The following PRKCA variants were observed in gnomAD, a reference collection of about 807,000 sequenced individuals.
The protein encoded by PRKCA is protein kinase C alpha type.
Under a neutral mutation model 87.0 loss-of-function variants are expected in PRKCA, and 27 were observed. The ratio of observed to expected loss-of-function variants is 0.31; its 90% CI spans 0.23 to 0.43. The LOEUF (loss-of-function observed/expected upper bound fraction) is 0.43. Ranked by LOEUF, PRKCA falls within the 20% of genes least tolerant of loss-of-function variation. PRKCA has a pLI of 1.00. For synonymous variants in PRKCA, 329 were observed against 311.1 expected (o/e 1.06, Z -0.61); for missense variants, 518 against 852.3 (o/e 0.61, Z 4.88).
chr17:66,741,446 G>T (rs916622532), intron 11 of PRKCA, among the ~76,000 whole-genome samples: 3 of 152,182 alleles, frequency 2.0e-5, no homozygotes, highest in African/African-American at 7.2e-5. Flanking sequence ...TAAGAAGCCG[G>T]TTTCATTGGT....
At chr17:66,404,378 G>T (rs1911224507) in intron 2 of PRKCA, among the ~76,000 whole-genome samples, 1 of 152,152 alleles carries the variant, frequency 6.6e-6, no homozygotes, top group African/African-American at 2.4e-5. Context: ...TCCTTCATGG[G>T]GGCGGCGGAG....
At chr17:66,562,114 AT>A (rs1968712181) in intron 3 of PRKCA, among the ~76,000 whole-genome samples, 1 of 114,878 alleles carries the variant, frequency 8.7e-6, no homozygotes, top group Admixed American at 9.9e-5. Context: ...AATTATATAT[AT>A]AATTAAATAT....
At chr17:66,386,683 C>A (rs1910078612) in intron 2 of PRKCA, among the ~76,000 whole-genome samples, 1 of 152,186 alleles carries the variant, frequency 6.6e-6, no homozygotes, top group East Asian at 1.9e-4. Context: ...AATTGCTGGG[C>A]TGCTGGTTCA....
At chr17:66,729,623 G>A (rs1973834614) in intron 8 of PRKCA, among the ~76,000 whole-genome samples, 1 of 152,058 alleles carries the variant, frequency 6.6e-6, no homozygotes, top group African/African-American at 2.4e-5. Flanking sequence ...GCCAACAAAG[G>A]CAGAGCTCAG....
intron 2 of PRKCA, among the ~76,000 whole-genome samples, chr17:66,327,721 A>G (rs1598593602): frequency 1.3e-5 from 2 of 152,208 alleles, no homozygotes; most frequent in South Asian, 2.1e-4. Context: ...TGTAGTCATC[A>G]GATAGCTTTT....
intron 15 of PRKCA, among the ~76,000 whole-genome samples, chr17:66,788,346 T>G (rs1975450591): frequency 6.6e-6 from 1 of 152,174 alleles, no homozygotes; most frequent in South Asian, 2.1e-4. Context: ...CTAGTCGCCT[T>G]CCTTGTTATA....
At chr17:66,368,719 G>A (rs887571193) in intron 2 of PRKCA, among the ~76,000 whole-genome samples, 3 of 151,880 alleles carry the variant, frequency 2.0e-5, no homozygotes, top group Non-Finnish European at 2.9e-5. Flanking sequence ...CATGTTTCTC[G>A]TTCATAATAT....
intron 2 of PRKCA, among the ~76,000 whole-genome samples, chr17:66,321,205 G>T (rs912538649): frequency 6.6e-6 from 1 of 152,050 alleles, no homozygotes; most frequent in Non-Finnish European, 1.5e-5. Context: ...TCCTATGCTA[G>T]GTTTCTGAGT....
At chr17:66,777,733 A>G (rs992605966) in intron 14 of PRKCA, 2 of 985,260 alleles carry the variant, frequency 2.0e-6, no homozygotes, top group Non-Finnish European at 2.4e-6. Flanking sequence ...TCACATTTGC[A>G]TATGCTAACA....
intron 3 of PRKCA, among the ~76,000 whole-genome samples, chr17:66,562,075 TTA>T (rs1233994690): frequency 6.3e-5 from 8 of 126,084 alleles, no homozygotes; most frequent in Non-Finnish European, 1.1e-4. Context: ...TATAATTAAA[TTA>T]TATATATAAT....
At chr17:66,544,218 C>T (rs1470155277) in intron 3 of PRKCA, among the ~76,000 whole-genome samples, 1 of 151,920 alleles carries the variant, frequency 6.6e-6, no homozygotes, top group Non-Finnish European at 1.5e-5. Context: ...AGCGAGACCC[C>T]ATCTCAAACA....
intron 2 of PRKCA, among the ~76,000 whole-genome samples, chr17:66,444,222 T>C (rs1913919495): frequency 6.6e-6 from 1 of 152,204 alleles, no homozygotes; most frequent in African/African-American, 2.4e-5. Flanking sequence ...CTGACCTGGC[T>C]CTACAGGTTC....
At chr17:66,663,872 G>GTTT (rs34996655) in intron 5 of PRKCA, among the ~76,000 whole-genome samples, 14 of 143,654 alleles carry the variant, frequency 9.7e-5, no homozygotes, top group Admixed American at 2.1e-4. Context: ...TGATTTTGGG[G>GTTT]TTTTTTTTTT....
At chr17:66,338,674 C>T (rs1273816701) in intron 2 of PRKCA, among the ~76,000 whole-genome samples, 2 of 152,016 alleles carry the variant, frequency 1.3e-5, no homozygotes, top group Non-Finnish European at 2.9e-5. Flanking sequence ...GATTCTGCAG[C>T]TGAATCTGGG....
intron 2 of PRKCA, among the ~76,000 whole-genome samples, chr17:66,399,019 T>C (rs898009494): frequency 2.0e-5 from 3 of 152,124 alleles, no homozygotes; most frequent in Non-Finnish European, 4.4e-5. Context: ...ATGGGCAGTT[T>C]GGCTGTAGAA....
chr17:66,405,830 G>T (rs1162547334), intron 2 of PRKCA, among the ~76,000 whole-genome samples: 1 of 152,048 alleles, frequency 6.6e-6, no homozygotes, highest in African/African-American at 2.4e-5. Context: ...ACTTGAAAAA[G>T]TCAAGCATTT....
chr17:66,677,761 A>G (rs1250104337), intron 5 of PRKCA, among the ~76,000 whole-genome samples: 5 of 152,246 alleles, frequency 3.3e-5, no homozygotes, highest in African/African-American at 9.6e-5. Flanking sequence ...TCACAGGAGT[A>G]TTGTGAGTAT....
chr17:66,699,572 G>C (rs1383279915), intron 8 of PRKCA, among the ~76,000 whole-genome samples: 1 of 152,198 alleles, frequency 6.6e-6, no homozygotes, highest in Non-Finnish European at 1.5e-5. Context: ...ATGCCTACTG[G>C]CTTCACTGGT....
chr17:66,714,385 G>T lies in PRKCA; in HGVS notation c.919-18303G>T, dbSNP rs187131303. On this transcript the variant is annotated intron_variant, in intron 8 of 16. Transcript: ENST00000413366. The stretch of plus-strand genomic sequence containing the variant: ...TTGTGCCCTCAGGCCTGTGCCCACC[G>T]TTGGAGACAGGAAACACCTACCTCC... Among the ~76,000 whole-genome samples, 386 of 152,260 alleles carry T rather than the reference G, an allele frequency of 2.5e-3. 6 individuals are homozygous for T. Among genetic ancestry groups the T allele is most frequent in the South Asian group, 0.02 (95 of 4,826 alleles).
Sources: allele counts gnomAD v4.1 joint callset (sites outside exome capture counted in the v4.1 genomes callset), GRCh38; gene constraint gnomAD v4.1.1; transcripts MANE v1.5; gene names NCBI Gene and HGNC (gene_info 2026-07-23, HGNC 2026-07-21).